Variants in ANKRD10 observed in about 807,000 individuals in gnomAD.
The protein encoded by ANKRD10 is ankyrin repeat domain-containing protein 10.
A neutral mutation model predicts 27.0 loss-of-function variants in ANKRD10; 14 were observed. The ratio of observed to expected loss-of-function variants is 0.52; its 90% CI spans 0.34 to 0.81. The LOEUF is 0.81. ANKRD10 is among the 40% of genes least tolerant of loss of function. The pLI, the probability that ANKRD10 is intolerant of heterozygous loss-of-function variation, is 0.01. For missense variants in ANKRD10, 493 were observed against 544.0 expected, an observed-to-expected ratio of 0.91 and a Z score of 0.93; for synonymous variants, 250 against 224.5, an observed-to-expected ratio of 1.11 and a Z score of -1.01.
chr13:110,890,697 T>C lies in ANKRD10; in HGVS notation c.691+2331A>G, dbSNP rs77830634. On this transcript the variant is annotated intron_variant, in intron 4 of 5. Coordinates refer to ENST00000267339, the MANE Select transcript of ANKRD10 (RefSeq NM_017664.4). ...AGTGGCTCAACCTGTTAGGTCTACG[T>C]ATTACCTGCAACACTTAAGCAGAAG... Among the ~76,000 whole-genome samples, 4 of 152,200 alleles carry C rather than the reference T, an allele frequency of 2.6e-5. No homozygotes were observed. The East Asian group carries it at 7.7e-4, about 29-fold the overall frequency.
intron 4 of ANKRD10, among the ~76,000 whole-genome samples, chr13:110,890,316 T>A (rs1312689146): frequency 6.6e-6 from 1 of 152,048 alleles, no homozygotes; most frequent in African/African-American, 2.4e-5. Flanking sequence ...CAAGAATGAC[T>A]CCCAATACCC....
chr13:110,909,402 G>T (rs1455450287), intron 2 of ANKRD10, among the ~76,000 whole-genome samples: 1 of 152,176 alleles, frequency 6.6e-6, no homozygotes, highest in Non-Finnish European at 1.5e-5. Context: ...CAGCACATAA[G>T]GGTATTGAGT....
In ANKRD10 at chr13:110,893,399, G is replaced by A. The variant is rs1243186779; in HGVS notation, c.456-136C>T. 5.1e-6 allele frequency: 4 copies of A among 785,916 alleles called. No individual in the cohort carries two copies. In the East Asian group the frequency reaches 8.1e-5, roughly 16 times the overall value. 48.7% of individuals were successfully genotyped at this position (785,916 alleles called of 1,614,324 possible). A position where few individuals can be genotyped will look rare whatever the true frequency, so the allele number is the denominator to read the frequency against. On this transcript the variant is annotated intron_variant, in intron 3 of 5. Transcript: ENST00000267339. ...ATAGCAAATCTTCATTAAAGAAGTA[G>A]TTAATCAATCTAGCTCTGTAACTAA...
At chr13:110,901,633 T>G (rs1463130963) in intron 3 of ANKRD10, among the ~76,000 whole-genome samples, 1 of 152,242 alleles carries the variant, frequency 6.6e-6, no homozygotes, top group Admixed American at 6.5e-5. Context: ...ACCCACTTAC[T>G]GTCCCTTTCT....
intron 4 of ANKRD10, among the ~76,000 whole-genome samples, chr13:110,890,907 T>C (rs1336476520): frequency 5.3e-5 from 8 of 152,200 alleles, no homozygotes; most frequent in Non-Finnish European, 1.0e-4. Flanking sequence ...CAGGACTCTT[T>C]AAACCAAATT....
At chr13:110,883,376 A>C (rs1324657487) in intron 5 of ANKRD10, 1 of 422,368 alleles carries the variant, frequency 2.4e-6, no homozygotes, top group African/African-American at 2.1e-5. Context: ...AATAGCTTCA[A>C]ATCAGAATAA....
At chr13:110,886,459 C>T (rs954857656) in intron 4 of ANKRD10, among the ~76,000 whole-genome samples, 1 of 152,182 alleles carries the variant, frequency 6.6e-6, no homozygotes, top group Non-Finnish European at 1.5e-5. Flanking sequence ...GTGTAGTTCC[C>T]ACAACCAGCT....
intron 3 of ANKRD10, among the ~76,000 whole-genome samples, chr13:110,903,233 A>G (rs34625119): frequency 0.04 from 6,131 of 152,308 alleles, 255 homozygotes; most frequent in South Asian, 0.2. Flanking sequence ...AAGGATGGTG[A>G]CAACTTCACG....
intron 3 of ANKRD10, among the ~76,000 whole-genome samples, chr13:110,903,855 T>A (rs1235558439): frequency 6.6e-6 from 1 of 152,328 alleles, no homozygotes; most frequent in Non-Finnish European, 1.5e-5. Flanking sequence ...AATAAGTTAA[T>A]TCTATGCTCC....
In ANKRD10 at chr13:110,893,063, G is replaced by C; in HGVS notation, c.656C>G (p.Ser219Ter). The change falls in exon 4 of 6, where the codon TCA becomes TGA. Residue 219 changes from serine (S) to a stop codon, truncating the protein, a stop_gained. Transcript: ENST00000267339. LOFTEE classifies it high-confidence loss of function. Reference sequence around the variant, plus strand: ...AGCTTTCTTTACTCCAAAGTCTTCTGAGTCTTCCAAGCATCTCTTTCGATT... The same window carrying C: ...AGCTTTCTTTACTCCAAAGTCTTCTCAGTCTTCCAAGCATCTCTTTCGATT... ...GTNRKRCLED[S>*]EDFGVKKART... is the part of the protein sequence containing the mutation. 6.2e-7 allele frequency: 1 copy of C among 1,614,216 alleles called. No homozygotes were observed. Among genetic ancestry groups the C allele is most frequent in the Non-Finnish European group, 8.5e-7 (1 of 1,180,030 alleles).
At chr13:110,887,554 C>CTAT (rs903576123) in intron 4 of ANKRD10, among the ~76,000 whole-genome samples, 2 of 152,196 alleles carry the variant, frequency 1.3e-5, no homozygotes, top group African/African-American at 2.4e-5. Flanking sequence ...AAAAAGCACT[C>CTAT]TATAAAGTCA....
chr13:110,901,571 G>A (rs1003003065), intron 3 of ANKRD10, among the ~76,000 whole-genome samples: 10 of 152,188 alleles, frequency 6.6e-5, no homozygotes, highest in African/African-American at 2.4e-4. Context: ...AAGCTGCTAT[G>A]AAAAACAATC....
At chr13:110,907,942 TGG>T (rs1339336912) in intron 2 of ANKRD10, among the ~76,000 whole-genome samples, 14 of 152,056 alleles carry the variant, frequency 9.2e-5, no homozygotes, top group Admixed American at 9.2e-4. Flanking sequence ...TCTGTCACGG[TGG>T]GATATTAACA....
intron 4 of ANKRD10, among the ~76,000 whole-genome samples, chr13:110,886,598 T>A (rs927284017): frequency 6.6e-6 from 1 of 152,190 alleles, no homozygotes; most frequent in African/African-American, 2.4e-5. Flanking sequence ...TTGTAAGCCA[T>A]GAAATTAAAA....
chr13:110,890,649 G>A (rs373543944), intron 4 of ANKRD10, among the ~76,000 whole-genome samples: 14 of 152,278 alleles, frequency 9.2e-5, no homozygotes, highest in African/African-American at 3.1e-4. Flanking sequence ...AGAAACATCA[G>A]TCATGTACTG....
chr13:110,887,921 G>A (rs1175005173), intron 4 of ANKRD10, among the ~76,000 whole-genome samples: 1 of 152,210 alleles, frequency 6.6e-6, no homozygotes, highest in Non-Finnish European at 1.5e-5. Flanking sequence ...AGGCAGCAAG[G>A]AAAGACACTC....
At chr13:110,890,767 TTGGGACCAGGAA>T (rs900163704) in intron 4 of ANKRD10, among the ~76,000 whole-genome samples, 33 of 151,234 alleles carry the variant, frequency 2.2e-4, no homozygotes, top group African/African-American at 6.8e-4. Context: ...ACCCTCGGGC[TTGGGACCAGGAA>T]TGTATAGTTT....
At chr13:110,907,730 G>A (rs1003197647) in intron 2 of ANKRD10, among the ~76,000 whole-genome samples, 1 of 152,094 alleles carries the variant, frequency 6.6e-6, no homozygotes, top group Non-Finnish European at 1.5e-5. Flanking sequence ...TTTAAAAAGC[G>A]AAAACCTAGC....
At chr13:110,885,714 C>A (rs2064912210) in intron 4 of ANKRD10, among the ~76,000 whole-genome samples, 1 of 152,064 alleles carries the variant, frequency 6.6e-6, no homozygotes, top group South Asian at 2.1e-4. Flanking sequence ...TTGCTCCTCC[C>A]ACAGGCTGCA....
Sources: allele counts gnomAD v4.1 joint callset (sites outside exome capture counted in the v4.1 genomes callset), GRCh38; gene constraint gnomAD v4.1.1; transcripts MANE v1.5; gene names NCBI Gene and HGNC (gene_info 2026-07-23, HGNC 2026-07-21).